GLTP: variants seen among roughly 807,000 people sequenced by gnomAD.
GLTP encodes the protein glycolipid transfer protein.
Under a neutral mutation model 24.0 loss-of-function variants are expected in GLTP, and 22 were observed. The ratio of observed to expected loss-of-function variants is 0.92; its 90% CI spans 0.65 to 1.31. GLTP has a LOEUF of 1.31. Among genes scored for constraint, GLTP ranks in the 50% most tolerant of loss-of-function variants. The pLI, the probability that GLTP is intolerant of heterozygous loss-of-function variation, is 0.00. For synonymous variants in GLTP, 92 were observed against 115.9 expected, an observed-to-expected ratio of 0.79 and a Z score of 1.33; for missense variants, 224 against 276.6, an observed-to-expected ratio of 0.81 and a Z score of 1.35.
At chr12:109,867,610 G>A (rs74749969) in intron 1 of GLTP, among the ~76,000 whole-genome samples, 335 of 152,274 alleles carry the variant, frequency 2.2e-3, no homozygotes, top group African/African-American at 7.8e-3. Flanking sequence ...CCACAGTTCA[G>A]ATGGGTGACA....
Position 109,857,978 on chromosome 12 carries a change from T to C in GLTP, c.163-319A>G. The C allele has an allele frequency of 4.6e-6, 2 of 436,590 alleles. No homozygotes were observed. The highest frequency in any genetic ancestry group is 1.1e-4 in the East Asian group (2 of 17,902). 27.0% of individuals were successfully genotyped at this position (436,590 alleles called of 1,614,324 possible). ...TCACACAGTTGGTACAGAGTTCATG[T>C]TCTCCAGCCACTACTGACACTGCCT... is the stretch of plus-strand genomic sequence containing the variant. On this transcript the variant is annotated intron_variant, in intron 2 of 4. Coordinates refer to ENST00000318348, the MANE Select transcript of GLTP (RefSeq NM_016433.4). This position sits in a 1 kb window ranked among gnomAD's most constrained non-coding sequence, Gnocchi z 4.3.
At position 109,851,903 on chromosome 12, in the gene GLTP, AATGGTGCG is replaced by A. The variant is rs1892728738; in HGVS notation, c.*644_*651del. 3.4e-5 allele frequency: 5 copies of A among 146,562 alleles called. No homozygotes were observed. The highest frequency in any genetic ancestry group is 1.0e-4 in the African/African-American group (4 of 38,852). 9.1% of individuals were successfully genotyped at this position (146,562 alleles called of 1,614,324 possible). ...GCTCTTGTTGCCCAGGCTGGAGTGC[AATGGTGCG>A]ATCTCAGCTCACTGCAACCTCCACC... On this transcript the variant is annotated 3_prime_UTR_variant, in exon 5 of 5. Coordinates refer to ENST00000318348, the MANE Select transcript of GLTP (RefSeq NM_016433.4).
chr12:109,871,103 T>C (rs955397963), intron 1 of GLTP, among the ~76,000 whole-genome samples: 15 of 149,084 alleles, frequency 1.0e-4, no homozygotes, highest in Non-Finnish European at 1.6e-4. Context: ...TTTTTTTTTT[T>C]CTGAGACGGA....
chr12:109,878,317 T>A (rs1868949146), intron 1 of GLTP, among the ~76,000 whole-genome samples: 1 of 152,212 alleles, frequency 6.6e-6, no homozygotes, highest in Non-Finnish European at 1.5e-5. Context: ...TTCTCCACCT[T>A]TGACACTGCT....
chr12:109,872,212 C>T (rs1868740000), intron 1 of GLTP, among the ~76,000 whole-genome samples: 2 of 152,240 alleles, frequency 1.3e-5, no homozygotes, highest in Admixed American at 6.5e-5. Flanking sequence ...CAGTCATTCA[C>T]CAAGTCAGGC....
chr12:109,857,961 T>C lies in GLTP; in HGVS notation c.163-302A>G. 2.2e-6 allele frequency: 1 copy of C among 449,138 alleles called. No individual in the cohort carries two copies. Among genetic ancestry groups the C allele is most frequent in the Non-Finnish European group, 4.2e-6 (1 of 238,914 alleles). The allele number at this position is 449,138 out of a possible 1,614,324, so 27.8% of individuals were successfully genotyped here. A position where few individuals can be genotyped will look rare whatever the true frequency, so the allele number is the denominator to read the frequency against. On this transcript the variant is annotated intron_variant, in intron 2 of 4. Transcript: ENST00000318348. The surrounding 1 kb of genome is among the most constrained non-coding windows in gnomAD (Gnocchi z 4.3). ...CACGGACTTGCCCAAGGTCACACAG[T>C]TGGTACAGAGTTCATGTTCTCCAGC...
At chr12:109,863,238 T>C (rs966745687) in intron 1 of GLTP, among the ~76,000 whole-genome samples, 3 of 152,220 alleles carry the variant, frequency 2.0e-5, no homozygotes, top group East Asian at 3.8e-4. Flanking sequence ...AATTTTCTCA[T>C]AGAAAATACT....
chr12:109,868,935 G>A (rs12306974), intron 1 of GLTP, among the ~76,000 whole-genome samples: 12,309 of 152,072 alleles, frequency 0.081, 526 homozygotes, highest in Middle Eastern at 0.13. Flanking sequence ...TCTAAAACAG[G>A]TTCCTGCTCT....
intron 1 of GLTP, among the ~76,000 whole-genome samples, chr12:109,863,872 T>C (rs1055181416): frequency 6.6e-6 from 1 of 152,188 alleles, no homozygotes; most frequent in Non-Finnish European, 1.5e-5. Flanking sequence ...CATGGGTGGC[T>C]TATTAGCTTT....
Position 109,854,632 on chromosome 12 carries a change from C to G in GLTP, c.447+987G>C, listed in dbSNP as rs1892772922. 1.3e-5 allele frequency among the ~76,000 whole-genome samples: 2 copies of G among 152,184 alleles called. 1 individual carries two copies. Among genetic ancestry groups the G allele is most frequent in the Admixed American group, 1.3e-4 (2 of 15,280 alleles). On this transcript the variant is annotated intron_variant, in intron 4 of 4. Coordinates refer to ENST00000318348, the MANE Select transcript of GLTP (RefSeq NM_016433.4). Reference sequence around the variant, plus strand: ...TGAGAACAGTGCCCACCTTGTGGTGCATCTGTGAAGATTACAATTCATGGG... The same window carrying G: ...TGAGAACAGTGCCCACCTTGTGGTGGATCTGTGAAGATTACAATTCATGGG...
chr12:109,855,066 C>T lies in GLTP; in HGVS notation c.447+553G>A, dbSNP rs922739632. On this transcript the variant is annotated intron_variant, in intron 4 of 4. Transcript: ENST00000318348. The surrounding 1 kb of genome is among the most constrained non-coding windows in gnomAD (Gnocchi z 4.1). The stretch of plus-strand genomic sequence containing the variant: ...TGGCGCAGGGCAGCCGGAGGGCCTT[C>T]GCAAGTCTCCTGAGCAGGGCTGTCC... 7.2e-5 allele frequency among the ~76,000 whole-genome samples: 11 copies of T among 152,182 alleles called. No homozygotes were observed. Among genetic ancestry groups the T allele is most frequent in the Admixed American group, 3.3e-4 (5 of 15,282 alleles).
At chr12:109,879,463 C>T (rs1373569482) in intron 1 of GLTP, among the ~76,000 whole-genome samples, 1 of 152,142 alleles carries the variant, frequency 6.6e-6, no homozygotes, top group African/African-American at 2.4e-5. Flanking sequence ...GACCGCCTTC[C>T]CAATGCGCCC....
intron 1 of GLTP, among the ~76,000 whole-genome samples, chr12:109,872,612 C>T (rs557514582): frequency 3.4e-4 from 52 of 152,292 alleles, no homozygotes; most frequent in Admixed American, 3.1e-3. Context: ...CCCACCAGCA[C>T]GGCACCAGCA....
At chr12:109,858,194 CTGTAAAAA>C (rs755707304) in intron 2 of GLTP, 12 of 457,156 alleles carry the variant, frequency 2.6e-5, no homozygotes, top group South Asian at 1.4e-4. Flanking sequence ...GCTTCCTCAT[CTGTAAAAA>C]GGGGATAACA....
chr12:109,858,679 A>C lies in GLTP; in HGVS notation c.162+4T>G. On this transcript the variant is annotated splice_donor_region_variant and intron_variant, in intron 2 of 4. Coordinates refer to ENST00000318348, the MANE Select transcript of GLTP (RefSeq NM_016433.4). ...GGGCTGTGGCTGCCCGGCCAGGTAC[A>C]TACCGTGATGTTGCCGCTTATGTCT... 2.5e-6 allele frequency: 4 copies of C among 1,611,228 alleles called. No individual in the cohort carries two copies. The highest frequency in any genetic ancestry group is 3.4e-6 in the Non-Finnish European group (4 of 1,177,354).
chr12:109,865,446 G>T (rs1322117915), intron 1 of GLTP, among the ~76,000 whole-genome samples: 1 of 152,112 alleles, frequency 6.6e-6, no homozygotes, highest in African/African-American at 2.4e-5. Context: ...GACCAACATG[G>T]TGAAACCCCC....
chr12:109,862,071 C>T lies in GLTP; in HGVS notation c.104-3330G>A, dbSNP rs1334505647. On this transcript the variant is annotated intron_variant, in intron 1 of 4. Transcript: ENST00000318348. ...GAGCAGTCTCCTCTCGGCAACTGAGCCTCTTTCCAACGTCTGCAGAGGCAA... is the reference window on the plus strand; with the variant it reads ...GAGCAGTCTCCTCTCGGCAACTGAGTCTCTTTCCAACGTCTGCAGAGGCAA... Among the ~76,000 whole-genome samples, 7 of 152,204 alleles carry T rather than the reference C, an allele frequency of 4.6e-5. No individual in the cohort carries two copies. The East Asian group carries it at 1.2e-3, about 25-fold the overall frequency.
intron 1 of GLTP, among the ~76,000 whole-genome samples, chr12:109,867,998 C>T (rs1053033162): frequency 6.6e-6 from 1 of 152,156 alleles, no homozygotes; most frequent in Non-Finnish European, 1.5e-5. Context: ...AGGATGGTCG[C>T]GATCTCCTGA....
rs4766488 is a variant in GLTP at position 109,858,290 on chromosome 12, G to T, written c.162+393C>A. Reference sequence around the variant, plus strand: ...GTCCCAAGCCCTTGGCTGGGCCCTAGGTGGATTCTCACAGGCAGTCTATGG... The same window carrying T: ...GTCCCAAGCCCTTGGCTGGGCCCTATGTGGATTCTCACAGGCAGTCTATGG... On this transcript the variant is annotated intron_variant, in intron 2 of 4. Transcript: ENST00000318348. 4.6e-5 allele frequency: 21 copies of T among 454,106 alleles called. No individual in the cohort carries two copies. In the East Asian group the frequency reaches 5.5e-4, roughly 12 times the overall value. The allele number at this position is 454,106 out of a possible 1,614,324, so 28.1% of individuals were successfully genotyped here.
Sources: allele counts gnomAD v4.1 joint callset (sites outside exome capture counted in the v4.1 genomes callset), GRCh38; gene constraint gnomAD v4.1.1; non-coding constraint Gnocchi (gnomAD v3.1); transcripts MANE v1.5; gene names NCBI Gene and HGNC (gene_info 2026-07-23, HGNC 2026-07-21).